The following TTC12 variants were observed in gnomAD, a reference collection of about 807,000 sequenced individuals.
The protein encoded by TTC12 is tetratricopeptide repeat protein 12.
A neutral mutation model predicts 90.1 loss-of-function variants in TTC12; 70 were observed. The observed-to-expected ratio is 0.78, with a 90% confidence interval of 0.64 to 0.95. The LOEUF is 0.95. Ranked by LOEUF, TTC12 falls within the 40% of genes least tolerant of loss-of-function variation. The pLI, the probability that TTC12 is intolerant of heterozygous loss-of-function variation, is 0.00. For missense variants in TTC12, 819 were observed against 846.1 expected (o/e 0.97, Z 0.40); for synonymous variants, 296 against 311.5 (o/e 0.95, Z 0.53).
In TTC12 at chr11:113,364,949, A is replaced by G; in HGVS notation, c.1931A>G (p.Lys644Arg). ...CCCAACGTTGCGTCTTCCCTGCTAA[A>G]GACGGACCTTTTGCAGGTCTTGTTA... ...EVPNVASSLL[K>R]TDLLQVLLKL... Residue 644 changes from lysine to arginine, a missense_variant, in exon 21 of 22, where the codon AAG becomes AGG. Transcript: ENST00000529221. The G allele has an allele frequency of 6.2e-7, 1 of 1,614,214 alleles. No homozygotes were observed. The highest frequency in any genetic ancestry group is 8.5e-7 in the Non-Finnish European group (1 of 1,180,038).
Position 113,339,486 on chromosome 11 carries a change from A to T in TTC12, c.826+12A>T. 1 of 1,605,508 alleles carries T rather than the reference A, an allele frequency of 6.2e-7. No homozygotes were observed. Among genetic ancestry groups the T allele is most frequent in the Non-Finnish European group, 8.5e-7 (1 of 1,175,644 alleles). On this transcript the variant is annotated intron_variant, in intron 10 of 21. Transcript: ENST00000529221. ...AATGATAAATGAGTGTAAGCCAGAG[A>T]TGTGTGTGATCTCATGAGTGCTGTC...
rs1467569370 is a variant in TTC12 at position 113,344,401 on chromosome 11, G to A, written c.1115G>A (p.Ser372Asn). 6.2e-7 allele frequency: 1 copy of A among 1,614,028 alleles called. No homozygotes were observed. The highest frequency in any genetic ancestry group is 1.3e-5 in the African/African-American group (1 of 74,944). ...ALLLHLAQTE[S>N]GRSLIINHLD... is the part of the protein sequence containing the mutation. ...CTGCTGCATCTCGCCCAGACTGAGA[G>A]CGGACGGAGCCTGATCATCAACCAC... Residue 372 changes from serine to asparagine, a missense_variant, in exon 13 of 22, where the codon AGC (serine) becomes AAC (asparagine). By Grantham distance (46) the Ser-to-Asn change is conservative (BLOSUM62 1). Transcript: ENST00000529221.
intron 16 of TTC12, among the ~76,000 whole-genome samples, chr11:113,357,483 G>C (rs1003895889): frequency 1.3e-5 from 2 of 152,162 alleles, no homozygotes; most frequent in African/African-American, 4.8e-5. Context: ...TGTTATGGTT[G>C]TTTGGAGGAA....
intron 9 of TTC12, 38 bp downstream of exon 9, chr11:113,338,872 C>T: frequency 1.3e-6 from 2 of 1,583,478 alleles, no homozygotes; most frequent in Non-Finnish European, 1.7e-6. Flanking sequence ...ATCTGAACTC[C>T]ACCTCCCTCT....
Position 113,325,632 on chromosome 11 carries a change from C to T in TTC12, c.431C>T (p.Thr144Ile). Residue 144 changes from threonine to isoleucine, a missense_variant, in exon 6 of 22, where the codon ACC becomes ATC. Transcript: ENST00000529221. Reference sequence around the variant, plus strand: ...CTGAAGGACATGAAAGTGCTGTACACCAACCGAGCCCAGGTCAGTGAGGCA... The same window carrying T: ...CTGAAGGACATGAAAGTGCTGTACATCAACCGAGCCCAGGTCAGTGAGGCA... ...EKLKDMKVLY[T>I]NRAQAYMKLE... The T allele has an allele frequency of 6.2e-7, 1 of 1,613,908 alleles. No individual in the cohort carries two copies. The highest frequency in any genetic ancestry group is 8.5e-7 in the Non-Finnish European group (1 of 1,179,802).
intron 12 of TTC12, 65 bp downstream of exon 12, chr11:113,341,990 T>A: frequency 7.3e-7 from 1 of 1,373,454 alleles, no homozygotes; most frequent in Non-Finnish European, 1.0e-6. Context: ...CGCTGTTGGG[T>A]GGACTGTCCT....
chr11:113,341,217 C>A (rs1318616782), intron 11 of TTC12, among the ~76,000 whole-genome samples: 4 of 152,152 alleles, frequency 2.6e-5, no homozygotes, highest in African/African-American at 9.7e-5. Context: ...GCGATACAAC[C>A]AGATTCAGTC....
chr11:113,341,413 G>A (rs1447030639), intron 11 of TTC12, among the ~76,000 whole-genome samples: 2 of 152,134 alleles, frequency 1.3e-5, no homozygotes, highest in Non-Finnish European at 2.9e-5. Context: ...ATATAAATGG[G>A]CCAATCCCAT....
At chr11:113,358,537 G>GCCCA (rs1555153295) in intron 16 of TTC12, among the ~76,000 whole-genome samples, 8 of 152,306 alleles carry the variant, frequency 5.3e-5, no homozygotes, top group African/African-American at 1.9e-4. Flanking sequence ...AGTTGGACTG[G>GCCCA]CCCTGTTTGA....
chr11:113,364,679 G>C, intron 20 of TTC12, 156 bp from the exon 21 acceptor site: 1 of 639,732 alleles, frequency 1.6e-6, no homozygotes, highest in South Asian at 1.8e-5. Flanking sequence ...TGCATTCAGT[G>C]AATGTTTGCT....
At chr11:113,348,097 G>A (rs1337950568) in intron 13 of TTC12, among the ~76,000 whole-genome samples, 2 of 152,220 alleles carry the variant, frequency 1.3e-5, no homozygotes, top group Non-Finnish European at 2.9e-5. Flanking sequence ...GAGGCAAAGG[G>A]TGTAAGTCTC....
At chr11:113,331,828 A>G (rs1555142653) in intron 7 of TTC12, among the ~76,000 whole-genome samples, 2 of 152,232 alleles carry the variant, frequency 1.3e-5, no homozygotes, top group Non-Finnish European at 2.9e-5. Flanking sequence ...ATCTTGTTAA[A>G]TGCCCAGCGA....
chr11:113,366,150 AG>A, intron 21 of TTC12, 74 bp from the exon 22 acceptor site: 2 of 1,513,070 alleles, frequency 1.3e-6, no homozygotes, highest in Non-Finnish European at 1.8e-6. Context: ...TCCATCTGAG[AG>A]GGTGTTGGCT....
At chr11:113,362,356 A>G (rs1949983823) in intron 18 of TTC12, 45 bp from the exon 19 acceptor site, 9 of 1,454,896 alleles carry the variant, frequency 6.2e-6, no homozygotes, top group East Asian at 2.3e-5. Context: ...GGTTGTCAGC[A>G]TTTCTGAAAA....
At chr11:113,327,393 A>C (rs1947758899) in intron 6 of TTC12, among the ~76,000 whole-genome samples, 3 of 151,230 alleles carry the variant, frequency 2.0e-5, no homozygotes, top group African/African-American at 7.3e-5. Context: ...CCCTGTATGC[A>C]TGCAGTGTCA....
At chr11:113,338,929 C>A in intron 9 of TTC12, 95 bp downstream of exon 9, 1 of 1,119,756 alleles carries the variant, frequency 8.9e-7, no homozygotes, top group Admixed American at 1.8e-5. Context: ...CCCTTGGCCA[C>A]TAGGCAGCGG....
downstream of TTC12, chr11:113,368,630 G>T: frequency 2.3e-6 from 2 of 863,526 alleles, no homozygotes; most frequent in Non-Finnish European, 3.8e-6. Context: ...TGAGGACGGT[G>T]GTTCCAGTGC....
chr11:113,360,251 A>G (rs1242715930), intron 18 of TTC12, among the ~76,000 whole-genome samples: 1 of 152,132 alleles, frequency 6.6e-6, no homozygotes, highest in East Asian at 1.9e-4. Context: ...TGGATCCCCT[A>G]GAGTCCAGGA....
intron 16 of TTC12, among the ~76,000 whole-genome samples, chr11:113,358,517 G>A (rs1555153284): frequency 6.6e-6 from 1 of 152,172 alleles, no homozygotes; most frequent in African/African-American, 2.4e-5. Flanking sequence ...AGCAGAGCAA[G>A]GGGTCCTCAA....
Sources: gnomAD v4.1 joint callset for allele counts (sites outside exome capture counted in the v4.1 genomes callset) on GRCh38, gnomAD v4.1.1 for gene constraint, MANE v1.5 for transcripts, NCBI Gene and HGNC (gene_info 2026-07-23, HGNC 2026-07-21) for gene names.